Variants in PLXNA2 observed in about 807,000 individuals in gnomAD.
PLXNA2 encodes the protein plexin A2, also known as plexin-A2.
Under a neutral mutation model 193.5 loss-of-function variants are expected in PLXNA2, and 91 were observed. The ratio of observed to expected loss-of-function variants is 0.47; its 90% confidence interval spans 0.40 to 0.56. The LOEUF (loss-of-function observed/expected upper bound fraction) is 0.56, where lower values mean the gene tolerates loss of function less well. Ranked by LOEUF, PLXNA2 falls within the 20% of genes least tolerant of loss-of-function variation. PLXNA2 has a pLI of 0.00. For synonymous variants in PLXNA2, 997 were observed against 1,027.3 expected (o/e 0.97, Z 0.56); for missense variants, 1,995 against 2,503.2 (o/e 0.80, Z 4.33).
chr1:208,087,534 GT>G (rs1179083413), intron 9 of PLXNA2, among the ~76,000 whole-genome samples: 1 of 152,144 alleles, frequency 6.6e-6, no homozygotes, highest in Non-Finnish European at 1.5e-5. Context: ...GATTGCCCTA[GT>G]AGAAAAAGAA....
At chr1:208,126,487 T>C (rs1667979984) in intron 4 of PLXNA2, among the ~76,000 whole-genome samples, 1 of 152,194 alleles carries the variant, frequency 6.6e-6, no homozygotes, top group Non-Finnish European at 1.5e-5. Flanking sequence ...TAAAAAGATG[T>C]TCAATTTGTT....
intron 12 of PLXNA2, among the ~76,000 whole-genome samples, chr1:208,075,932 C>T (rs1445692905): frequency 2.0e-5 from 3 of 151,000 alleles, no homozygotes; most frequent in Admixed American, 2.0e-4. Context: ...GTGGTGCATG[C>T]CTGTTGTCCC....
Position 208,034,579 on chromosome 1 carries a change from G to A in PLXNA2, c.4778C>T (p.Ser1593Leu), listed in dbSNP as rs200900362. ...TLMHYQVSDRSVVALVPKQTS... is the reference protein window; with the variant it reads ...TLMHYQVSDRLVVALVPKQTS... Reference sequence around the variant, plus strand: ...CTGTTTGGGGACCAGAGCCACCACCGACCTGTCTGACACCTGAGAAGGGTA... The same window carrying A: ...CTGTTTGGGGACCAGAGCCACCACCAACCTGTCTGACACCTGAGAAGGGTA... The change falls in exon 27 of 32, where the codon TCG (serine) becomes TTG (leucine). Residue 1593 changes from serine (S) to leucine (L), a missense_variant. Coordinates refer to ENST00000367033, the MANE Select transcript of PLXNA2 (RefSeq NM_025179.4). 1.2e-5 allele frequency: 20 copies of A among 1,610,686 alleles called. No individual in the cohort carries two copies. Among genetic ancestry groups the A allele is most frequent in the Non-Finnish European group, 1.5e-5 (18 of 1,177,034 alleles).
rs1195870123 is a variant in PLXNA2 at position 208,051,092 on chromosome 1, G to T, written c.3172C>A (p.Pro1058Thr). ...AGGTTGAAGCCTGTGATGGTCAGGGGTGTGTGGCCACTGAAAACAGGCAGA... is the reference window on the plus strand; with the variant it reads ...AGGTTGAAGCCTGTGATGGTCAGGGTTGTGTGGCCACTGAAAACAGGCAGA... ...PEWSIASGHT[P>T]LTITGFNLDV... Residue 1058 changes from proline to threonine, a missense_variant, in exon 17 of 32, where the codon CCC becomes ACC. Physicochemically the swap from Pro to Thr is conservative, Grantham distance 38. Around this residue, in one of 3 missense-constraint regions of PLXNA2, gnomAD observed 1,291 missense variants for 1,673.6 expected, o/e 0.77. Coordinates refer to ENST00000367033, the MANE Select transcript of PLXNA2 (RefSeq NM_025179.4). The T allele has an allele frequency of 2.5e-6, 4 of 1,613,798 alleles. No individual in the cohort carries two copies. The highest frequency in any genetic ancestry group is 3.4e-6 in the Non-Finnish European group (4 of 1,179,672).
intron 3 of PLXNA2, among the ~76,000 whole-genome samples, chr1:208,167,523 G>A (rs1026206137): frequency 1.4e-4 from 22 of 152,140 alleles, no homozygotes; most frequent in South Asian, 6.2e-4. Flanking sequence ...GAGGCCCATA[G>A]AGGTAGGAGG....
Position 208,051,304 on chromosome 1 carries a change from A to G in PLXNA2, c.3113T>C (p.Ile1038Thr), listed in dbSNP as rs769459775. The change falls in exon 16 of 32, where the codon ATA (isoleucine) becomes ACA (threonine). Residue 1038 changes from isoleucine (I) to threonine (T), a missense_variant. Ile to Thr is a moderately conservative substitution (Grantham distance 89). Around this residue, in one of 3 missense-constraint regions of PLXNA2, gnomAD observed 1,291 missense variants for 1,673.6 expected, o/e 0.77. Transcript: ENST00000367033. ...HVDSNLQFEY[I>T]DDPRVQRIEP... ...GATGCGCTGGACCCGAGGGTCATCT[A>G]TGTACTCAAACTGCAGGTTGCTATC... 3 of 1,613,738 alleles carry G rather than the reference A, an allele frequency of 1.9e-6. No individual in the cohort carries two copies. The highest frequency in any genetic ancestry group is 1.3e-5 in the African/African-American group (1 of 75,008).
intron 24 of PLXNA2, among the ~76,000 whole-genome samples, 197 bp from the exon 25 acceptor site, chr1:208,039,181 A>G (rs563883797): frequency 1.3e-5 from 2 of 152,148 alleles, no homozygotes; most frequent in South Asian, 4.2e-4. Flanking sequence ...ATTGTGTCCA[A>G]TTCTTCTTTC....
chr1:208,033,927 A>G (rs1005021625), intron 27 of PLXNA2, among the ~76,000 whole-genome samples: 15 of 152,130 alleles, frequency 9.9e-5, no homozygotes, highest in Admixed American at 7.9e-4. Flanking sequence ...GGCCTGGGGT[A>G]TGGGATTTCC....
intron 11 of PLXNA2, among the ~76,000 whole-genome samples, chr1:208,081,578 T>A (rs1453515305): frequency 1.3e-5 from 2 of 152,224 alleles, no homozygotes; most frequent in Non-Finnish European, 2.9e-5. Flanking sequence ...TAGACTGTCT[T>A]GGTTCCAATC....
intron 3 of PLXNA2, among the ~76,000 whole-genome samples, chr1:208,155,228 G>T (rs766727902): frequency 6.6e-6 from 1 of 151,804 alleles, no homozygotes; most frequent in African/African-American, 2.4e-5. Flanking sequence ...CCACAGGACC[G>T]GTGCTGGGGA....
chr1:208,140,304 C>T (rs113326137), intron 4 of PLXNA2, among the ~76,000 whole-genome samples: 1,641 of 152,262 alleles, frequency 0.011, 35 homozygotes, highest in African/African-American at 0.037. Flanking sequence ...TCTTTGGATA[C>T]ATTTTGAATG....
chr1:208,028,806 G>A lies in PLXNA2; in HGVS notation c.5438+24C>T. 4 of 1,601,518 alleles carry A rather than the reference G, an allele frequency of 2.5e-6. No homozygotes were observed. In the South Asian group the frequency reaches 4.4e-5, roughly 18 times the overall value. On this transcript the variant is annotated intron_variant, in intron 30 of 31. Coordinates refer to ENST00000367033, the MANE Select transcript of PLXNA2 (RefSeq NM_025179.4). The surrounding 1 kb of genome is among the most constrained non-coding windows in gnomAD (Gnocchi z 4.2). ...AATGGGCAGGGAGACAAGGGCATGGGCCTGTCCTGAGGGTGCTACTGACCT... is the reference window on the plus strand; with the variant it reads ...AATGGGCAGGGAGACAAGGGCATGGACCTGTCCTGAGGGTGCTACTGACCT...
chr1:208,186,867 C>T (rs1670023204), intron 3 of PLXNA2, among the ~76,000 whole-genome samples: 1 of 150,976 alleles, frequency 6.6e-6, no homozygotes, highest in African/African-American at 2.4e-5. Flanking sequence ...CTACAGGCGC[C>T]CGCCACCGCG....
At chr1:208,035,879 G>C (rs1337948124) in intron 26 of PLXNA2, among the ~76,000 whole-genome samples, 1 of 152,206 alleles carries the variant, frequency 6.6e-6, no homozygotes, top group African/African-American at 2.4e-5. Context: ...GCAGGTTTTA[G>C]TGGTGGTGTT....
At chr1:208,230,171 T>A (rs969825584) in intron 1 of PLXNA2, 1 of 152,236 alleles carries the variant, frequency 6.6e-6, no homozygotes, top group Admixed American at 6.5e-5. Context: ...AAGGACATCA[T>A]CTCCTTGGCT....
At chr1:208,040,198 G>A in intron 22 of PLXNA2, 140 bp from the exon 23 acceptor site, 1 of 666,512 alleles carries the variant, frequency 1.5e-6, no homozygotes, top group Non-Finnish European at 2.7e-6. Flanking sequence ...CTGGGTCCCA[G>A]CCCAGCTCAC....
At chr1:208,226,717 TGA>T (rs994924500) in intron 1 of PLXNA2, among the ~76,000 whole-genome samples, 1 of 152,224 alleles carries the variant, frequency 6.6e-6, no homozygotes, top group Non-Finnish European at 1.5e-5. Flanking sequence ...CGGGCAGAGC[TGA>T]GAGAGCCGCA....
intron 3 of PLXNA2, among the ~76,000 whole-genome samples, chr1:208,197,803 C>G (rs996501021): frequency 6.6e-6 from 1 of 152,202 alleles, no homozygotes; most frequent in East Asian, 1.9e-4. Context: ...CTGGCATATC[C>G]TTTCCTAAAG....
intron 4 of PLXNA2, among the ~76,000 whole-genome samples, chr1:208,118,999 C>T (rs1385962272): frequency 3.3e-5 from 5 of 152,088 alleles, no homozygotes; most frequent in East Asian, 3.9e-4. Flanking sequence ...GGCTTGATTC[C>T]CTGGAACTCT....
Sources: gnomAD v4.1 joint callset for allele counts (sites outside exome capture counted in the v4.1 genomes callset) on GRCh38, gnomAD v4.1.1 for gene constraint, gnomAD v4.1.1 regional missense constraint, Gnocchi (gnomAD v3.1) non-coding constraint, MANE v1.5 for transcripts, NCBI Gene and HGNC (gene_info 2026-07-23, HGNC 2026-07-21) for gene names.